KIAA0319L: variants seen among roughly 807,000 people sequenced by gnomAD.
KIAA0319L encodes dyslexia-associated protein KIAA0319-like protein.
In KIAA0319L, 55 loss-of-function variants were observed where a neutral mutation model predicts 120.1. The observed-to-expected ratio is 0.46, with a 90% CI of 0.37 to 0.57. KIAA0319L has a LOEUF of 0.57. KIAA0319L is among the 20% of genes least tolerant of loss of function. The pLI is 0.00. For missense variants in KIAA0319L, 1,049 were observed against 1,255.3 expected, an observed-to-expected ratio of 0.84 and a Z score of 2.48; for synonymous variants, 398 against 471.9, an observed-to-expected ratio of 0.84 and a Z score of 2.03.
intron 2 of KIAA0319L, among the ~76,000 whole-genome samples, chr1:35,524,009 C>G (rs987889643): frequency 1.3e-5 from 2 of 151,964 alleles, no homozygotes; most frequent in African/African-American, 2.4e-5. Flanking sequence ...CACTTTACAG[C>G]AAGAAAAAGA....
intron 2 of KIAA0319L, among the ~76,000 whole-genome samples, chr1:35,509,087 T>C (rs1332262137): frequency 6.6e-6 from 1 of 152,140 alleles, no homozygotes; most frequent in Non-Finnish European, 1.5e-5. Flanking sequence ...CCCTTGGCTT[T>C]CTGCTGGAGG....
chr1:35,449,573 G>GCACAAAGGCCTGGCTCTGA (rs1481962810), intron 15 of KIAA0319L, among the ~76,000 whole-genome samples: 2 of 152,190 alleles, frequency 1.3e-5, no homozygotes, highest in African/African-American at 2.4e-5. Context: ...TGGACTACGA[G>GCACAAAGGCCTGGCTCTGA]CACAAAGGCC....
intron 2 of KIAA0319L, among the ~76,000 whole-genome samples, chr1:35,548,499 A>G (rs1647071172): frequency 6.6e-6 from 1 of 152,200 alleles, no homozygotes; most frequent in Non-Finnish European, 1.5e-5. Flanking sequence ...TCCCTCGGGC[A>G]TGAAAAGAAA....
chr1:35,479,374 T>C (rs1644048044), intron 3 of KIAA0319L, among the ~76,000 whole-genome samples, 162 bp from the exon 4 acceptor site: 1 of 152,170 alleles, frequency 6.6e-6, no homozygotes, highest in African/African-American at 2.4e-5. Context: ...TGGTGTTAAA[T>C]GTTGAGATAA....
At chr1:35,479,618 T>A (rs1418374601) in intron 3 of KIAA0319L, among the ~76,000 whole-genome samples, 1 of 152,034 alleles carries the variant, frequency 6.6e-6, no homozygotes, top group East Asian at 1.9e-4. Context: ...AAATAGTAAA[T>A]ATACCAGCTA....
At position 35,554,461 on chromosome 1, in the gene KIAA0319L, G is replaced by T. The variant is rs1024879953; in HGVS notation, c.31C>A (p.Pro11Thr). The change falls in exon 2 of 21, where the codon CCT becomes ACT. Residue 11 changes from proline (P) to threonine (T), a missense_variant. Transcript: ENST00000325722. ...TATCCTGATAAAATCCAGGAAGCAG[G>T]ATTTGGCTTGACTCCCAGCCTCTTC... The part of the protein sequence containing the change: MEKRLGVKPN[P>T]ASWILSGYYW... The T allele has an allele frequency of 6.2e-7, 1 of 1,613,058 alleles. No homozygotes were observed. Among genetic ancestry groups the T allele is most frequent in the African/African-American group, 1.3e-5 (1 of 75,002 alleles).
rs1238324164 is a variant in KIAA0319L, at chr1:35,549,051, T to TC, written c.142+5298_142+5299insG. 1.1e-4 allele frequency among the ~76,000 whole-genome samples: 15 copies of TC among 137,246 alleles called. No individual in the cohort carries two copies. The East Asian group carries it at 2.4e-3, about 22-fold the overall frequency. The allele number at this position is 137,246 out of a possible 152,430, so 90.0% of individuals were successfully genotyped here. ...CCAGTAGCACTCTGTGCGTTGCATC[T>TC]TTTTTTTTTTTTTTTAAGAGACAGG... On this transcript the variant is annotated intron_variant, in intron 2 of 20. Transcript: ENST00000325722.
chr1:35,472,399 C>T (rs935076871), intron 5 of KIAA0319L, among the ~76,000 whole-genome samples: 1 of 152,140 alleles, frequency 6.6e-6, no homozygotes, highest in African/African-American at 2.4e-5. Context: ...TCAAGTGATC[C>T]TCCTGCCTCA....
In KIAA0319L at chr1:35,451,637, C is replaced by T. The variant is rs762342725; in HGVS notation, c.2053G>A (p.Val685Ile). Residue 685 changes from valine to isoleucine, a missense_variant, in exon 13 of 21, where the codon GTC becomes ATC. Physicochemically the swap from Val to Ile is conservative, Grantham distance 29 (BLOSUM62 3). Transcript: ENST00000325722. ...LQSQSSVNVIVKEEINKPPIA... is the reference protein window; with the variant it reads ...LQSQSSVNVIIKEEINKPPIA... ...GGAGGCAGAGAGGTACCTTCTTTGA[C>T]AATGACATTCACAGAGCTCTGGCTT... 1 of 1,613,994 alleles carries T rather than the reference C, an allele frequency of 6.2e-7. No individual in the cohort carries two copies. The highest frequency in any genetic ancestry group is 1.1e-5 in the South Asian group (1 of 91,060).
intron 2 of KIAA0319L, among the ~76,000 whole-genome samples, chr1:35,532,659 A>G (rs1199615505): frequency 2.0e-5 from 3 of 152,218 alleles, no homozygotes; most frequent in Non-Finnish European, 4.4e-5. Context: ...ATATACTCCA[A>G]TTTTAGATCA....
chr1:35,496,427 TA>T (rs1473919272), intron 3 of KIAA0319L, among the ~76,000 whole-genome samples: 1 of 151,730 alleles, frequency 6.6e-6, no homozygotes, highest in Non-Finnish European at 1.5e-5. Context: ...CTCAAAAAAA[TA>T]AAAAATAAAA....
intron 18 of KIAA0319L, 82 bp from the exon 19 acceptor site, chr1:35,442,418 G>T: frequency 9.6e-7 from 1 of 1,038,474 alleles, no homozygotes; most frequent in Non-Finnish European, 1.5e-6. Flanking sequence ...TTGGGCAGGT[G>T]TGGCTTCACT....
intron 3 of KIAA0319L, among the ~76,000 whole-genome samples, chr1:35,492,301 G>A (rs1570803927): frequency 6.6e-6 from 1 of 151,964 alleles, no homozygotes; most frequent in Admixed American, 6.6e-5. Context: ...GGATCACAAG[G>A]TCAGGAGTTC....
chr1:35,497,480 A>G (rs1272220515), intron 3 of KIAA0319L, among the ~76,000 whole-genome samples: 2 of 152,234 alleles, frequency 1.3e-5, no homozygotes, highest in African/African-American at 4.8e-5. Flanking sequence ...GGGACAGATT[A>G]CAAAGCGGCA....
chr1:35,461,807 C>A (rs956407592), intron 8 of KIAA0319L, among the ~76,000 whole-genome samples: 1 of 152,078 alleles, frequency 6.6e-6, no homozygotes, highest in East Asian at 1.9e-4. Flanking sequence ...TCCCTCTCTT[C>A]CCTCCTGGCC....
At chr1:35,546,236 G>A (rs1646976458) in intron 2 of KIAA0319L, among the ~76,000 whole-genome samples, 1 of 152,070 alleles carries the variant, frequency 6.6e-6, no homozygotes, top group Non-Finnish European at 1.5e-5. Flanking sequence ...AGAAGGGAGT[G>A]GGGGAAAAAT....
intron 3 of KIAA0319L, among the ~76,000 whole-genome samples, chr1:35,498,745 C>T (rs1026489829): frequency 6.6e-6 from 1 of 152,218 alleles, no homozygotes; most frequent in Non-Finnish European, 1.5e-5. Flanking sequence ...TACATAATCA[C>T]AATCCATATA....
chr1:35,490,183 G>A (rs779285813), intron 3 of KIAA0319L, among the ~76,000 whole-genome samples: 7 of 152,162 alleles, frequency 4.6e-5, no homozygotes, highest in Non-Finnish European at 1.0e-4. Flanking sequence ...CTCAAGTTTA[G>A]ACGGCTAAGA....
At chr1:35,470,492 C>CAAAAAAAAAAAAAAAAAAAAAAAAAAAAA in intron 6 of KIAA0319L, among the ~76,000 whole-genome samples, 1 of 73,436 alleles carries the variant, frequency 1.4e-5, no homozygotes, top group Non-Finnish European at 2.6e-5. Context: ...GACCCTGTCT[C>CAAAAAAAAAAAAAAAAAAAAAAAAAAAAA]AAAAAAAAAA....
Sources: gnomAD v4.1 joint callset for allele counts (sites outside exome capture counted in the v4.1 genomes callset) on GRCh38, gnomAD v4.1.1 for gene constraint, MANE v1.5 for transcripts, NCBI Gene and HGNC (gene_info 2026-07-23, HGNC 2026-07-21) for gene names.